The following CNOT2 variants were observed in gnomAD, a reference collection of about 807,000 sequenced individuals.
The protein encoded by CNOT2 is CCR4-NOT transcription complex subunit 2, also known as CC chemokine receptor 4-negative regulator of transcription 2.
Under a neutral mutation model 72.1 loss-of-function variants are expected in CNOT2, and 7 were observed. That is an observed-to-expected ratio of 0.10 (90% CI 0.06 to 0.18). The LOEUF (loss-of-function observed/expected upper bound fraction) is 0.18, where lower values mean the gene tolerates loss of function less well. Ranked by LOEUF, CNOT2 falls within the 10% of genes least tolerant of loss-of-function variation. The pLI, the probability that CNOT2 is intolerant of heterozygous loss-of-function variation, is 1.00. For missense variants in CNOT2, 345 were observed against 660.3 expected, an observed-to-expected ratio of 0.52 and a Z score of 5.23; for synonymous variants, 196 against 225.6, an observed-to-expected ratio of 0.87 and a Z score of 1.17.
intron 4 of CNOT2, among the ~76,000 whole-genome samples, chr12:70,321,277 G>T (rs1189771663): frequency 6.6e-6 from 1 of 151,746 alleles, no homozygotes; most frequent in Non-Finnish European, 1.5e-5. Context: ...GTTTTTCCAA[G>T]ATATCGATCT....
At position 70,254,176 on chromosome 12, in the gene CNOT2, T is replaced by G. The variant is rs1005603935; in HGVS notation, c.-96+10696T>G. Among the ~76,000 whole-genome samples, 3 of 150,392 alleles carry G rather than the reference T, an allele frequency of 2.0e-5. 1 individual carries two copies. The highest frequency in any genetic ancestry group is 7.4e-5 in the African/African-American group (3 of 40,726). The stretch of plus-strand genomic sequence containing the variant: ...TCGCTTGAACCCGGGAGGTGGAGTT[T>G]GCAGTGAGCCGAGATCACGCCACTG... On this transcript the variant is annotated intron_variant, in intron 1 of 15. Transcript: ENST00000229195.
intron 2 of CNOT2, among the ~76,000 whole-genome samples, chr12:70,284,658 A>G (rs967059164): frequency 6.6e-6 from 1 of 151,138 alleles, no homozygotes; most frequent in African/African-American, 2.4e-5. Context: ...ATCAAGTTAA[A>G]TGAATTCCCA....
At position 70,278,219 on chromosome 12, in the gene CNOT2, A is replaced by C; in HGVS notation, c.-8A>C. 6.2e-7 allele frequency: 1 copy of C among 1,610,064 alleles called. No individual in the cohort carries two copies. On this transcript the variant is annotated 5_prime_UTR_variant, in exon 2 of 16. Transcript: ENST00000229195. ...GCCTCCGGTACTGTGAGGAAAGGAC[A>C]CGACTCTATGGTGAGGACTGATGGA... is the stretch of plus-strand genomic sequence containing the variant.
intron 4 of CNOT2, chr12:70,322,111 C>G (rs1398016519): frequency 2.0e-5 from 3 of 151,764 alleles, no homozygotes. Context: ...GAATTAAGTC[C>G]TCACTTAACA....
rs554519505 is a variant in CNOT2, at chr12:70,266,733, A to G, written c.-95-11399A>G. Among the ~76,000 whole-genome samples the G allele has an allele frequency of 1.1e-4, 17 of 152,220 alleles. No homozygotes were observed. The South Asian group carries it at 3.3e-3, about 30-fold the overall frequency. On this transcript the variant is annotated intron_variant, in intron 1 of 15. Transcript: ENST00000229195. ...TGGTAATATTTTTTAATTGCTCTGA[A>G]GTGTACTTATTCTGATGGTAAGGTA...
intron 2 of CNOT2, among the ~76,000 whole-genome samples, chr12:70,286,863 TA>T: frequency 6.6e-6 from 1 of 152,260 alleles, no homozygotes; most frequent in Admixed American, 6.5e-5. Flanking sequence ...CTCAAAGTTT[TA>T]TATTTTTTTC....
intron 11 of CNOT2, among the ~76,000 whole-genome samples, chr12:70,340,717 C>T (rs1325787472): frequency 6.6e-6 from 1 of 152,024 alleles, no homozygotes; most frequent in Non-Finnish European, 1.5e-5. Flanking sequence ...GAATCATTCT[C>T]TCTTGCCTGA....
intron 4 of CNOT2, among the ~76,000 whole-genome samples, chr12:70,327,059 A>G (rs1308100865): frequency 6.6e-6 from 1 of 151,886 alleles, no homozygotes; most frequent in African/African-American, 2.4e-5. Context: ...TTTTTATGAT[A>G]CAGCATAGAA....
At chr12:70,346,904 G>A (rs910821286) in intron 15 of CNOT2, among the ~76,000 whole-genome samples, 1 of 151,474 alleles carries the variant, frequency 6.6e-6, no homozygotes, top group Non-Finnish European at 1.5e-5. Context: ...ACCGTCCCAT[G>A]TGCAAAATTT....
chr12:70,280,389 CA>C (rs1156608683), intron 2 of CNOT2, among the ~76,000 whole-genome samples: 2 of 152,068 alleles, frequency 1.3e-5, no homozygotes, highest in East Asian at 3.9e-4. Flanking sequence ...TTGTATATTT[CA>C]AAATAGCTAG....
At chr12:70,336,231 TA>T in intron 8 of CNOT2, 1 of 152,290 alleles carries the variant, frequency 6.6e-6, no homozygotes, top group African/African-American at 2.4e-5. Flanking sequence ...GGGTCATGTA[TA>T]GCTTATGCAG....
chr12:70,266,099 G>GTAT (rs373889047), intron 1 of CNOT2, among the ~76,000 whole-genome samples: 2,546 of 149,338 alleles, frequency 0.017, 77 homozygotes, highest in African/African-American at 0.058. Flanking sequence ...CGTTGATGTT[G>GTAT]TATTATTATT....
At chr12:70,339,533 G>A (rs1055567059) in intron 11 of CNOT2, among the ~76,000 whole-genome samples, 6 of 152,080 alleles carry the variant, frequency 3.9e-5, no homozygotes, top group African/African-American at 1.4e-4. Context: ...AGTACTGATT[G>A]TTTCTGCCTA....
At chr12:70,308,417 G>A (rs1215746257) in intron 2 of CNOT2, among the ~76,000 whole-genome samples, 1 of 152,116 alleles carries the variant, frequency 6.6e-6, no homozygotes, top group Admixed American at 6.6e-5. Flanking sequence ...CCCTCCATCT[G>A]TCTTTCTCTC....
intron 2 of CNOT2, among the ~76,000 whole-genome samples, chr12:70,299,436 A>G (rs1873459816): frequency 8.1e-6 from 1 of 123,738 alleles, no homozygotes; most frequent in African/African-American, 3.1e-5. Context: ...ATGTGTTCTC[A>G]TTGTTCAATT....
intron 1 of CNOT2, among the ~76,000 whole-genome samples, chr12:70,252,283 C>T (rs1958177618): frequency 1.3e-5 from 2 of 152,054 alleles, no homozygotes; most frequent in Admixed American, 1.3e-4. Context: ...ACCTCCTGGG[C>T]TTAATCAATC....
chr12:70,337,817 TTGAG>T (rs780260074), intron 9 of CNOT2: 28 of 465,940 alleles, frequency 6.0e-5, no homozygotes, highest in African/African-American at 7.9e-5. Context: ...TGTGTTTTTC[TTGAG>T]TAAGTTTTCT....
At chr12:70,283,930 A>ATTTTTTTTTTTTTTTTTTTTTTTTTTTTT (rs776119049) in intron 2 of CNOT2, among the ~76,000 whole-genome samples, 1 of 117,460 alleles carries the variant, frequency 8.5e-6, no homozygotes, top group African/African-American at 3.2e-5. Flanking sequence ...CATGATGTAA[A>ATTTTTTTTTTTTTTTTTTTTTTTTTTTTT]TTTTTTTTTT....
chr12:70,342,210 T>C, intron 12 of CNOT2, 42 bp downstream of exon 12: 2 of 1,612,780 alleles, frequency 1.2e-6, no homozygotes, highest in Non-Finnish European at 1.7e-6. Context: ...AAAAAGAAAT[T>C]TACAATTGAG....
Sources: allele counts gnomAD v4.1 joint callset (sites outside exome capture counted in the v4.1 genomes callset), GRCh38; gene constraint gnomAD v4.1.1; transcripts MANE v1.5; gene names NCBI Gene and HGNC (gene_info 2026-07-23, HGNC 2026-07-21).